Variants in PPFIA1 observed in about 807,000 individuals in gnomAD.
PPFIA1 encodes PPFI scaffold protein A1.
PPFIA1 carries 25 observed loss-of-function variants against 149.9 expected under a neutral mutation model. That is an observed-to-expected ratio of 0.17 (90% CI 0.12 to 0.23). The LOEUF (loss-of-function observed/expected upper bound fraction) is 0.23. Ranked by LOEUF, PPFIA1 falls within the 10% of genes least tolerant of loss-of-function variation. The pLI is 1.00. For missense variants in PPFIA1, 1,362 were observed against 1,506.5 expected (o/e 0.90, Z 1.59); for synonymous variants, 549 against 552.8 (o/e 0.99, Z 0.10).
At chr11:70,327,772 CA>C (rs34027636) in intron 7 of PPFIA1, 70,020 of 146,536 alleles carry the variant, frequency 0.48, 19,026 homozygotes, top group African/African-American at 0.76. Context: ...GACTCCGTCT[CA>C]AAAAAAAAAA....
At chr11:70,328,391 TC>T (rs1422404249) in intron 7 of PPFIA1, among the ~76,000 whole-genome samples, 3 of 152,202 alleles carry the variant, frequency 2.0e-5, no homozygotes, top group Non-Finnish European at 2.9e-5. Context: ...CATCCATGTC[TC>T]TGCAAAGGAC....
intron 9 of PPFIA1, among the ~76,000 whole-genome samples, chr11:70,332,493 T>TA (rs2054726556): frequency 6.6e-6 from 1 of 152,100 alleles, no homozygotes; most frequent in Admixed American, 6.5e-5. Flanking sequence ...TTTTAAGTAA[T>TA]TTTATTATTT....
intron 7 of PPFIA1, among the ~76,000 whole-genome samples, chr11:70,328,892 T>C (rs1472328221): frequency 1.3e-5 from 2 of 152,206 alleles, no homozygotes; most frequent in Admixed American, 6.5e-5. Context: ...ATTTTATAAA[T>C]AGGGAACAAC....
chr11:70,341,907 C>G (rs1329103362), intron 14 of PPFIA1: 1 of 152,780 alleles, frequency 6.5e-6, no homozygotes, highest in Non-Finnish European at 1.5e-5. Context: ...AGCTGGTGGC[C>G]TTAGTAACGG....
chr11:70,369,835 C>T (rs1383088090), intron 21 of PPFIA1, among the ~76,000 whole-genome samples: 1 of 152,160 alleles, frequency 6.6e-6, no homozygotes, highest in African/African-American at 2.4e-5. Flanking sequence ...CAAGGTCTCG[C>T]TGTGTTGCCC....
At chr11:70,382,663 C>A (rs73521353) in intron 27 of PPFIA1, among the ~76,000 whole-genome samples, 4 of 152,208 alleles carry the variant, frequency 2.6e-5, no homozygotes, top group Non-Finnish European at 5.9e-5. Flanking sequence ...CTTAAAACTG[C>A]GGACTCTGGC....
At chr11:70,328,938 A>G (rs1164083065) in intron 7 of PPFIA1, among the ~76,000 whole-genome samples, 1 of 152,232 alleles carries the variant, frequency 6.6e-6, no homozygotes, top group African/African-American at 2.4e-5. Context: ...GAGGACAGGT[A>G]TTTCTCAAGC....
At chr11:70,367,394 A>C in intron 21 of PPFIA1, 2 of 391,986 alleles carry the variant, frequency 5.1e-6, no homozygotes, top group Non-Finnish European at 1.0e-5. Context: ...CTCATTTAAC[A>C]AAATTAGTAA....
chr11:70,337,030 A>G (rs2055021441), intron 11 of PPFIA1, among the ~76,000 whole-genome samples: 1 of 152,226 alleles, frequency 6.6e-6, no homozygotes, highest in Non-Finnish European at 1.5e-5. Flanking sequence ...TATGCATTTG[A>G]AACTTAAATT....
intron 2 of PPFIA1, among the ~76,000 whole-genome samples, chr11:70,287,006 CAT>C (rs1239111538): frequency 1.4e-5 from 2 of 147,756 alleles, no homozygotes; most frequent in Non-Finnish European, 3.0e-5. Flanking sequence ...CACACACACA[CAT>C]ACATATATGT....
At chr11:70,308,766 A>G (rs976919815) in intron 2 of PPFIA1, among the ~76,000 whole-genome samples, 1 of 152,068 alleles carries the variant, frequency 6.6e-6, no homozygotes, top group Non-Finnish European at 1.5e-5. Context: ...TCTTAAAAAA[A>G]CAAAACAAAA....
At chr11:70,368,137 C>CTAAA (rs993264531) in intron 21 of PPFIA1, among the ~76,000 whole-genome samples, 4 of 152,134 alleles carry the variant, frequency 2.6e-5, no homozygotes, top group African/African-American at 4.8e-5. Flanking sequence ...GACCCTGTCT[C>CTAAA]TAAATAAATA....
chr11:70,296,126 C>T (rs1387780510), intron 2 of PPFIA1, among the ~76,000 whole-genome samples: 5 of 151,984 alleles, frequency 3.3e-5, no homozygotes, highest in African/African-American at 7.3e-5. Flanking sequence ...GATGGGATGG[C>T]AGCCGGGAAG....
chr11:70,295,195 A>C (rs1462912280), intron 2 of PPFIA1, among the ~76,000 whole-genome samples: 3 of 111,868 alleles, frequency 2.7e-5, no homozygotes, highest in Non-Finnish European at 3.7e-5. Flanking sequence ...TGACCCCCCC[A>C]CCTCCCTCCC....
At chr11:70,295,811 G>A (rs1565357328) in intron 2 of PPFIA1, among the ~76,000 whole-genome samples, 1 of 151,786 alleles carries the variant, frequency 6.6e-6, no homozygotes, top group Admixed American at 6.5e-5. Flanking sequence ...TGGACGGGGC[G>A]GCTGCTGGGC....
At chr11:70,350,995 C>T in intron 16 of PPFIA1, 7 of 1,255,772 alleles carry the variant, frequency 5.6e-6, no homozygotes, top group Non-Finnish European at 7.2e-6. Flanking sequence ...ATCTATCAGC[C>T]TAGTGATTTA....
intron 2 of PPFIA1, among the ~76,000 whole-genome samples, chr11:70,294,963 C>T (rs996954453): frequency 1.3e-5 from 2 of 152,156 alleles, no homozygotes; most frequent in Non-Finnish European, 2.9e-5. Context: ...TCTTTCCACA[C>T]AGACATGGCA....
chr11:70,274,687 CT>C (rs1417460732), intron 2 of PPFIA1, among the ~76,000 whole-genome samples: 3 of 152,140 alleles, frequency 2.0e-5, no homozygotes, highest in South Asian at 2.1e-4. Flanking sequence ...ACGTGCTCCC[CT>C]AATATTGTTT....
intron 2 of PPFIA1, among the ~76,000 whole-genome samples, chr11:70,283,623 G>C (rs544316571): frequency 6.6e-6 from 1 of 152,300 alleles, no homozygotes; most frequent in South Asian, 2.1e-4. Flanking sequence ...GGCAGTTCCT[G>C]CAATGTGGGC....
Sources: gnomAD v4.1 joint callset for allele counts (sites outside exome capture counted in the v4.1 genomes callset) on GRCh38, gnomAD v4.1.1 for gene constraint, MANE v1.5 for transcripts, NCBI Gene and HGNC (gene_info 2026-07-23, HGNC 2026-07-21) for gene names.